FHIT: variants seen among roughly 807,000 people sequenced by gnomAD.
The protein encoded by FHIT is bis(5'-adenosyl)-triphosphatase.
In FHIT, 19 loss-of-function variants were observed where a neutral mutation model predicts 17.9. The observed-to-expected ratio is 1.06, with a 90% confidence interval of 0.74 to 1.56. FHIT has a LOEUF of 1.56. FHIT is among the 40% of genes most tolerant of loss of function. The probability of loss-of-function intolerance (pLI) is 0.00; values close to 1 mark genes in which losing one functional copy is unlikely to be tolerated. For synonymous variants in FHIT, 81 were observed against 69.7 expected (o/e 1.16, Z -0.81); for missense variants, 248 against 189.2 (o/e 1.31, Z -1.82).
intron 3 of FHIT, among the ~76,000 whole-genome samples, chr3:60,863,748 A>G (rs1465408550): frequency 2.6e-5 from 4 of 152,196 alleles, no homozygotes; most frequent in African/African-American, 9.6e-5. Context: ...GAGGACAGAA[A>G]CATGTACATT....
chr3:60,801,802 G>A (rs571978619), intron 4 of FHIT, among the ~76,000 whole-genome samples: 21 of 152,224 alleles, frequency 1.4e-4, no homozygotes, highest in South Asian at 8.3e-4. Flanking sequence ...AGCCTGATAC[G>A]GTAGGCTCTA....
At chr3:60,645,790 C>T (rs750428492) in intron 4 of FHIT, among the ~76,000 whole-genome samples, 12 of 152,122 alleles carry the variant, frequency 7.9e-5, no homozygotes, top group South Asian at 2.1e-4. Context: ...AAATAGTTAA[C>T]GCTATAAGAG....
chr3:60,567,730 A>C (rs1349283394), intron 4 of FHIT, among the ~76,000 whole-genome samples: 1 of 152,232 alleles, frequency 6.6e-6, no homozygotes, highest in African/African-American at 2.4e-5. Context: ...TAATATCCAG[A>C]ATCTACAATG....
At chr3:59,853,324 G>A (rs11130739) in intron 8 of FHIT, among the ~76,000 whole-genome samples, 60,874 of 152,086 alleles carry the variant, frequency 0.4, 14,684 homozygotes, top group Admixed American at 0.53. Flanking sequence ...CTCAAAGAAT[G>A]TAGATATTTC....
chr3:61,064,665 G>C (rs1003961588), intron 2 of FHIT, among the ~76,000 whole-genome samples: 1 of 152,024 alleles, frequency 6.6e-6, no homozygotes, highest in Non-Finnish European at 1.5e-5. Flanking sequence ...GTGAGATAAG[G>C]CTCTGCCACT....
chr3:59,878,676 T>C (rs73100629), intron 8 of FHIT, among the ~76,000 whole-genome samples: 8 of 152,114 alleles, frequency 5.3e-5, no homozygotes, highest in African/African-American at 9.7e-5. Flanking sequence ...AAAAACAATA[T>C]AAAGACATTA....
At chr3:60,741,070 T>G (rs938136242) in intron 4 of FHIT, among the ~76,000 whole-genome samples, 1 of 152,196 alleles carries the variant, frequency 6.6e-6, no homozygotes, top group Non-Finnish European at 1.5e-5. Context: ...CTAGAATTAA[T>G]GGGAAAAGAC....
chr3:59,978,540 C>T (rs1708512108), intron 7 of FHIT, among the ~76,000 whole-genome samples: 1 of 151,518 alleles, frequency 6.6e-6, no homozygotes, highest in East Asian at 2.0e-4. Context: ...TAGCTAGTGG[C>T]CATCTCTTTA....
intron 5 of FHIT, among the ~76,000 whole-genome samples, chr3:60,499,309 C>A (rs1354176909): frequency 6.6e-6 from 1 of 152,178 alleles, no homozygotes; most frequent in African/African-American, 2.4e-5. Context: ...TATTGCTGCA[C>A]AAAAATGAAG....
intron 5 of FHIT, among the ~76,000 whole-genome samples, chr3:60,424,161 T>C (rs1702577945): frequency 6.6e-6 from 1 of 152,150 alleles, no homozygotes; most frequent in Admixed American, 6.6e-5. Flanking sequence ...ACACTGATTT[T>C]ACTGATGAGA....
At chr3:60,386,566 C>T (rs2107135296) in intron 5 of FHIT, among the ~76,000 whole-genome samples, 1 of 152,282 alleles carries the variant, frequency 6.6e-6, no homozygotes, top group South Asian at 2.1e-4. Flanking sequence ...GTTTGAGCAT[C>T]TTCTGGTAAA....
chr3:60,016,478 T>C (rs960852946), intron 5 of FHIT, among the ~76,000 whole-genome samples: 6 of 152,144 alleles, frequency 3.9e-5, no homozygotes, highest in Non-Finnish European at 5.9e-5. Flanking sequence ...TACTCACTCA[T>C]CCATCCCAAC....
At position 60,244,989 on chromosome 3, in the gene FHIT, G is replaced by A. The variant is rs139247583; in HGVS notation, c.104-230837C>T. Among the ~76,000 whole-genome samples the A allele has an allele frequency of 8.5e-5, 13 of 152,086 alleles. No individual in the cohort carries two copies. In the East Asian group the frequency reaches 1.9e-3, roughly 23 times the overall value. On this transcript the variant is annotated intron_variant, in intron 5 of 9. Transcript: ENST00000492590. ...TAGTGTGCATTGACTAAAGTAATAT[G>A]GACTATTAAGTAATTCAAAATTGTG...
At chr3:59,819,480 T>G (rs560451219) in intron 8 of FHIT, among the ~76,000 whole-genome samples, 3 of 152,318 alleles carry the variant, frequency 2.0e-5, no homozygotes, top group South Asian at 4.1e-4. Context: ...AAAAATTTAA[T>G]TTTTAGAAAT....
At chr3:60,216,204 T>C (rs1703689768) in intron 5 of FHIT, among the ~76,000 whole-genome samples, 1 of 152,180 alleles carries the variant, frequency 6.6e-6, no homozygotes, top group African/African-American at 2.4e-5. Context: ...TTTTAATACA[T>C]TTCAAAAACA....
intron 5 of FHIT, among the ~76,000 whole-genome samples, chr3:60,026,118 A>C (rs1386641821): frequency 6.6e-6 from 1 of 152,194 alleles, no homozygotes; most frequent in African/African-American, 2.4e-5. Flanking sequence ...AAAACAGTCA[A>C]AGAAATACAT....
chr3:60,215,138 C>T (rs1258328410), intron 5 of FHIT, among the ~76,000 whole-genome samples: 1 of 151,930 alleles, frequency 6.6e-6, no homozygotes. Flanking sequence ...ACCCGTGTAA[C>T]AAGCCTGGAT....
intron 7 of FHIT, among the ~76,000 whole-genome samples, chr3:59,936,271 T>G (rs909067380): frequency 6.6e-6 from 1 of 152,100 alleles, no homozygotes; most frequent in Non-Finnish European, 1.5e-5. Context: ...AGAATATCTA[T>G]TTTTTTATTT....
intron 4 of FHIT, among the ~76,000 whole-genome samples, chr3:60,648,084 G>A (rs1406433684): frequency 4.6e-5 from 7 of 152,086 alleles, no homozygotes; most frequent in Non-Finnish European, 1.0e-4. Context: ...GGAAAAAAGG[G>A]AAAAATGAGA....
Sources: allele counts gnomAD v4.1 joint callset (sites outside exome capture counted in the v4.1 genomes callset), GRCh38; gene constraint gnomAD v4.1.1; transcripts MANE v1.5; gene names NCBI Gene and HGNC (gene_info 2026-07-23, HGNC 2026-07-21).